Variants in FBN2 observed in about 807,000 individuals in gnomAD.
FBN2 encodes fibrillin-2.
In FBN2, 105 loss-of-function variants were observed where a neutral mutation model predicts 355.6. The ratio of observed to expected loss-of-function variants is 0.30; its 90% CI spans 0.25 to 0.35. The LOEUF (loss-of-function observed/expected upper bound fraction) is 0.35, where lower values mean the gene tolerates loss of function less well. Ranked by LOEUF, FBN2 falls within the 10% of genes least tolerant of loss-of-function variation. The pLI is 1.00. For synonymous variants in FBN2, 1,350 were observed against 1,301.2 expected, an observed-to-expected ratio of 1.04 and a Z score of -0.81; for missense variants, 3,280 against 3,758.7, an observed-to-expected ratio of 0.87 and a Z score of 3.33.
At chr5:128,496,084 CT>C (rs1755648690) in intron 5 of FBN2, among the ~76,000 whole-genome samples, 1 of 152,064 alleles carries the variant, frequency 6.6e-6, no homozygotes, top group African/African-American at 2.4e-5. Flanking sequence ...GCCCAGATGG[CT>C]TTACTGGTAA....
At chr5:128,428,471 C>A (rs758664167) in intron 7 of FBN2, among the ~76,000 whole-genome samples, 4 of 152,120 alleles carry the variant, frequency 2.6e-5, no homozygotes, top group Non-Finnish European at 5.9e-5. Flanking sequence ...CCCCTAGATA[C>A]CTCAGGGGTG....
At chr5:128,358,810 G>GA (rs1751567992) in intron 19 of FBN2, among the ~76,000 whole-genome samples, 2 of 151,880 alleles carry the variant, frequency 1.3e-5, no homozygotes. Context: ...TAAGAAGCCT[G>GA]AAAAAAGAAG....
chr5:128,345,188 A>G (rs919238431), intron 24 of FBN2, among the ~76,000 whole-genome samples, 169 bp downstream of exon 24: 1 of 152,222 alleles, frequency 6.6e-6, no homozygotes, highest in Non-Finnish European at 1.5e-5. Context: ...CTTCAATGCC[A>G]TCTTATAGGG....
In FBN2 at chr5:128,344,520, G is replaced by T; in HGVS notation, c.3218-10C>A. The stretch of plus-strand genomic sequence containing the variant: ...TTGCATTCATTGATGTCTAAAAGCA[G>T]AATGAAGCCAGAATGTAGAGCCGGT... On this transcript the variant is annotated splice_polypyrimidine_tract_variant and intron_variant, in intron 24 of 64. Transcript: ENST00000262464. 6.2e-7 allele frequency: 1 copy of T among 1,613,280 alleles called. No homozygotes were observed. The highest frequency in any genetic ancestry group is 8.5e-7 in the Non-Finnish European group (1 of 1,179,454).
At chr5:128,444,263 A>G (rs1050726428) in intron 7 of FBN2, among the ~76,000 whole-genome samples, 5 of 150,988 alleles carry the variant, frequency 3.3e-5, no homozygotes, top group African/African-American at 7.3e-5. Context: ...TAGTAGAGAC[A>G]GGGTTTCACC....
At chr5:128,513,075 G>C (rs1019621138) in intron 5 of FBN2, among the ~76,000 whole-genome samples, 2 of 152,198 alleles carry the variant, frequency 1.3e-5, no homozygotes, top group Non-Finnish European at 2.9e-5. Context: ...GTAACACTTA[G>C]TGGAAGCTTA....
At chr5:128,359,209 T>C (rs1159100943) in intron 19 of FBN2, among the ~76,000 whole-genome samples, 2 of 152,042 alleles carry the variant, frequency 1.3e-5, no homozygotes, top group African/African-American at 2.4e-5. Flanking sequence ...TTGTTATATA[T>C]TTAAAATACT....
At chr5:128,399,219 A>T (rs1752730239) in intron 8 of FBN2, among the ~76,000 whole-genome samples, 1 of 152,236 alleles carries the variant, frequency 6.6e-6, no homozygotes. Flanking sequence ...ACCACTGTGA[A>T]ACTGCAGAAC....
At position 128,430,582 on chromosome 5, in the gene FBN2, G is replaced by C. The variant is rs375954219; in HGVS notation, c.952+15899C>G. On this transcript the variant is annotated intron_variant, in intron 7 of 64. Coordinates refer to ENST00000262464, the MANE Select transcript of FBN2 (RefSeq NM_001999.4). The stretch of plus-strand genomic sequence containing the variant: ...AATACAGGCCAGTGAGGTGGCTTAC[G>C]CTTGTAATCTCAGTACTTTGGGAGG... 3.2e-4 allele frequency among the ~76,000 whole-genome samples: 48 copies of C among 152,196 alleles called. No homozygotes were observed. In the East Asian group the frequency reaches 7.2e-3, roughly 23 times the overall value.
At chr5:128,503,889 T>C (rs1755881202) in intron 5 of FBN2, among the ~76,000 whole-genome samples, 1 of 152,104 alleles carries the variant, frequency 6.6e-6, no homozygotes, top group African/African-American at 2.4e-5. Flanking sequence ...GCCCCTTCCA[T>C]CACAGGCCTG....
intron 5 of FBN2, 117 bp downstream of exon 5, chr5:128,519,156 C>G (rs1186846965): frequency 2.6e-6 from 2 of 775,006 alleles, no homozygotes; most frequent in East Asian, 5.4e-5. Context: ...GAGACATAAT[C>G]AAAGAAGAGT....
chr5:128,300,707 C>A lies in FBN2; in HGVS notation c.6166+110G>T. The A allele has an allele frequency of 3.7e-6, 4 of 1,083,042 alleles. No individual in the cohort carries two copies. The South Asian group carries it at 3.8e-5, about 10-fold the overall frequency. The allele number at this position is 1,083,042 out of a possible 1,614,324, so 67.1% of individuals were successfully genotyped here. A position where few individuals can be genotyped will look rare whatever the true frequency, so the allele number is the denominator to read the frequency against. ...GATGTAGGCAGCTATATGTTTAATT[C>A]CTTAGGTCAGCATGCTTGCAGTGGT... On this transcript the variant is annotated intron_variant, in intron 48 of 64. Transcript: ENST00000262464.
intron 18 of FBN2, among the ~76,000 whole-genome samples, chr5:128,363,470 G>A (rs1278060203): frequency 6.6e-6 from 1 of 152,140 alleles, no homozygotes; most frequent in African/African-American, 2.4e-5. Context: ...GATTACAGGA[G>A]TGAGCCACTG....
intron 39 of FBN2, among the ~76,000 whole-genome samples, chr5:128,310,401 T>C (rs869256765): frequency 3.0e-3 from 12 of 3,958 alleles, no homozygotes; most frequent in Non-Finnish European, 6.2e-3. Context: ...TATATATATA[T>C]ATTTTTTTTT....
intron 64 of FBN2, among the ~76,000 whole-genome samples, chr5:128,260,105 CAG>C (rs1438005154): frequency 1.3e-5 from 2 of 152,008 alleles, no homozygotes; most frequent in African/African-American, 2.4e-5. Context: ...ACTGGGCTTA[CAG>C]AGTGTTCCCA....
intron 5 of FBN2, among the ~76,000 whole-genome samples, chr5:128,488,936 T>C (rs1235584043): frequency 6.6e-6 from 1 of 152,154 alleles, no homozygotes; most frequent in Non-Finnish European, 1.5e-5. Flanking sequence ...GTCTTTGCTA[T>C]TGTGAATAGT....
intron 4 of FBN2, among the ~76,000 whole-genome samples, chr5:128,522,611 G>A (rs1339048538): frequency 6.6e-6 from 1 of 152,106 alleles, no homozygotes; most frequent in Non-Finnish European, 1.5e-5. Context: ...TGCAGCAGCC[G>A]AAGTTTACAT....
At chr5:128,517,859 C>A (rs1368511255) in intron 5 of FBN2, among the ~76,000 whole-genome samples, 1 of 152,116 alleles carries the variant, frequency 6.6e-6, no homozygotes, top group African/African-American at 2.4e-5. Context: ...AAAGAAAGTG[C>A]TGTATAACTT....
intron 5 of FBN2, among the ~76,000 whole-genome samples, chr5:128,501,829 G>C (rs778942763): frequency 1.7e-4 from 26 of 151,946 alleles, no homozygotes; most frequent in Middle Eastern, 3.4e-3. Flanking sequence ...TACTGATAAA[G>C]ATCAAAAGAA....
Sources: gnomAD v4.1 joint callset for allele counts (sites outside exome capture counted in the v4.1 genomes callset) on GRCh38, gnomAD v4.1.1 for gene constraint, MANE v1.5 for transcripts, NCBI Gene and HGNC (gene_info 2026-07-23, HGNC 2026-07-21) for gene names.